The following C1orf232 variants were observed in gnomAD, a reference collection of about 807,000 sequenced individuals.
The protein encoded by C1orf232 is chromosome 1 open reading frame 230, also known as uncharacterized protein C1orf232.
In C1orf232, 10 loss-of-function variants were observed where a neutral mutation model predicts 12.1. The ratio of observed to expected loss-of-function variants is 0.82; its 90% confidence interval spans 0.51 to 1.40. C1orf232 has a LOEUF of 1.40. Among genes scored for constraint, C1orf232 ranks in the 40% most tolerant of loss-of-function variants. C1orf232 has a pLI of 0.00. For synonymous variants in C1orf232, 36 were observed against 39.8 expected, an observed-to-expected ratio of 0.90 and a Z score of 0.36; for missense variants, 88 against 98.4, an observed-to-expected ratio of 0.89 and a Z score of 0.45.
intron 3 of C1orf232, chr1:26,165,589 C>G: frequency 1.6e-6 from 1 of 618,130 alleles, no homozygotes; most frequent in Non-Finnish European, 2.3e-6. Context: ...CGTGAGAGCC[C>G]ATAAATACCT....
chr1:26,167,702 A>G (rs1267897253), intron 1 of C1orf232, among the ~76,000 whole-genome samples: 1 of 151,426 alleles, frequency 6.6e-6, no homozygotes, highest in Non-Finnish European at 1.5e-5. Context: ...GCTCATTGCA[A>G]CCTCTGCCTC....
At chr1:26,165,353 TG>T (rs1401350181) in intron 3 of C1orf232, among the ~76,000 whole-genome samples, 1 of 152,122 alleles carries the variant, frequency 6.6e-6, no homozygotes, top group African/African-American at 2.4e-5. Context: ...TGCAGGGCCC[TG>T]GGGGAGCTTG....
At chr1:26,167,884 A>T (rs2088442494) in intron 1 of C1orf232, among the ~76,000 whole-genome samples, 1 of 152,136 alleles carries the variant, frequency 6.6e-6, no homozygotes. Flanking sequence ...TCGGCCTCCC[A>T]AAGTGCTAGG....
intron 1 of C1orf232, among the ~76,000 whole-genome samples, chr1:26,167,773 C>T (rs779350290): frequency 3.9e-5 from 6 of 152,028 alleles, no homozygotes; most frequent in Admixed American, 1.3e-4. Context: ...AGGTGCACGC[C>T]GCCATGCCTG....
chr1:26,167,265 C>T (rs1468092238), intron 1 of C1orf232, among the ~76,000 whole-genome samples: 1 of 152,236 alleles, frequency 6.6e-6, no homozygotes, highest in Non-Finnish European at 1.5e-5. Flanking sequence ...GGCTGTAGTG[C>T]AGTGGAGCCT....
At position 26,165,627 on chromosome 1, in the gene C1orf232, C is replaced by A. The variant is rs565730866; in HGVS notation, c.266+199G>T. 12 of 977,284 alleles carry A rather than the reference C, an allele frequency of 1.2e-5. No homozygotes were observed. The African/African-American group carries it at 1.9e-4, about 15-fold the overall frequency. 60.5% of individuals were successfully genotyped at this position (977,284 alleles called of 1,614,324 possible). On this transcript the variant is annotated intron_variant, in intron 3 of 3. Transcript: ENST00000634842. ...TAGCACCTCAATCCCAACAGCTGGTCGATTCCTCCTGAGATTTACCCTAAT... is the reference window on the plus strand; with the variant it reads ...TAGCACCTCAATCCCAACAGCTGGTAGATTCCTCCTGAGATTTACCCTAAT...
rs560950013 is a variant in C1orf232, at chr1:26,167,532, C to T, written c.84+884G>A. Among the ~76,000 whole-genome samples, 4 of 152,298 alleles carry T rather than the reference C, an allele frequency of 2.6e-5. No individual in the cohort carries two copies. The South Asian group carries it at 8.3e-4, about 32-fold the overall frequency. ...TAGAGGCAGGGTTTCGCCATGTTAG[C>T]CAGGCTGGTCTCGAACTCCTAACCT... is the stretch of plus-strand genomic sequence containing the variant. On this transcript the variant is annotated intron_variant, in intron 1 of 3. Transcript: ENST00000634842.
chr1:26,164,497 C>A lies in C1orf232; in HGVS notation c.267-42G>T. 1 of 374,404 alleles carries A rather than the reference C, an allele frequency of 2.7e-6. No individual in the cohort carries two copies. Among genetic ancestry groups the A allele is most frequent in the South Asian group, 1.3e-4 (1 of 7,658 alleles). The allele number at this position is 374,404 out of a possible 1,614,324, so 23.2% of individuals were successfully genotyped here. A position where few individuals can be genotyped will look rare whatever the true frequency, so the allele number is the denominator to read the frequency against. On this transcript the variant is annotated intron_variant, in intron 3 of 3. Transcript: ENST00000634842. The surrounding 1 kb of genome is among the most constrained non-coding windows in gnomAD (Gnocchi z 4.2). ...CGGTCAGGGAAGCGGCCGGGCGGTC[C>A]CGCGGAGGAACATCGGCTGGGCTGA...
In C1orf232 at chr1:26,164,581, C is replaced by G. The variant is rs578070981; in HGVS notation, c.267-126G>C. The G allele has an allele frequency of 3.1e-6, 1 of 323,732 alleles. No individual in the cohort carries two copies. The highest frequency in any genetic ancestry group is 2.2e-5 in the African/African-American group (1 of 45,556). The allele number at this position is 323,732 out of a possible 1,614,324, so 20.1% of individuals were successfully genotyped here. A position where few individuals can be genotyped will look rare whatever the true frequency, so the allele number is the denominator to read the frequency against. ...CGGAGTCAGGGGCAGTGGTGAGGAG[C>G]GGGGTCAGGTGACCAGTGGGGGACC... is the stretch of plus-strand genomic sequence containing the variant. On this transcript the variant is annotated intron_variant, in intron 3 of 3. Transcript: ENST00000634842. This position sits in a 1 kb window ranked among gnomAD's most constrained non-coding sequence, Gnocchi z 4.2.
rs1313217876 is a variant in C1orf232, at chr1:26,166,079, G to A, written c.124C>T (p.Pro42Ser). ...PALVGSETAEPTEETFNPMSQ... is the reference protein window; with the variant it reads ...PALVGSETAESTEETFNPMSQ... ...ATGGGATTGAAGGTCTCCTCGGTCG[G>A]TTCTGCTGTCTCAGACCCCACTAAT... The change falls in exon 2 of 4, where the codon CCG becomes TCG. Residue 42 changes from proline to serine, a missense_variant. Transcript: ENST00000634842. 7 of 1,231,556 alleles carry A rather than the reference G, an allele frequency of 5.7e-6. No homozygotes were observed. Among genetic ancestry groups the A allele is most frequent in the Non-Finnish European group, 2.0e-6 (2 of 987,994 alleles). 76.3% of individuals were successfully genotyped at this position (1,231,556 alleles called of 1,614,324 possible).
rs952834889 is a variant in C1orf232, at chr1:26,164,831, A to C, written c.267-376T>G. Among the ~76,000 whole-genome samples, 3 of 152,118 alleles carry C rather than the reference A, an allele frequency of 2.0e-5. No homozygotes were observed. Among genetic ancestry groups the C allele is most frequent in the Admixed American group, 1.3e-4 (2 of 15,280 alleles). ...GGGAAGCTGGAAGGATCCCTGGGAA[A>C]GCAGGTGGGAGCGGGAGGGCTGTTC... On this transcript the variant is annotated intron_variant, in intron 3 of 3. Coordinates refer to ENST00000634842, the MANE Select transcript of C1orf232 (RefSeq NM_001364669.2). The surrounding 1 kb of genome is among the most constrained non-coding windows in gnomAD (Gnocchi z 4.2).
At position 26,164,612 on chromosome 1, in the gene C1orf232, G is replaced by A. The variant is rs1479921831; in HGVS notation, c.267-157C>T. Among the ~76,000 whole-genome samples, 1 of 152,032 alleles carries A rather than the reference G, an allele frequency of 6.6e-6. No individual in the cohort carries two copies. On this transcript the variant is annotated intron_variant, in intron 3 of 3. Coordinates refer to ENST00000634842, the MANE Select transcript of C1orf232 (RefSeq NM_001364669.2). This position sits in a 1 kb window ranked among gnomAD's most constrained non-coding sequence, Gnocchi z 4.2. ...CAGGTGACCAGTGGGGGACCGGGAC[G>A]AGGAGGAGGGTCAGGGCCTGGAGGC...
In C1orf232 at chr1:26,168,963, T is replaced by A. The variant is rs910857183; in HGVS notation, c.-464A>T. Among the ~76,000 whole-genome samples the A allele has an allele frequency of 6.6e-6, 1 of 152,206 alleles. No individual in the cohort carries two copies. Among genetic ancestry groups the A allele is most frequent in the African/African-American group, 2.4e-5 (1 of 41,452 alleles). ...GTGTCCCTACTTAGCCTCAATGAAC[T>A]GGAGCAGGAAGGTCCGCAGGCCCCC... On this transcript the variant is annotated 5_prime_UTR_variant, in exon 1 of 4. Transcript: ENST00000634842.
Position 26,166,056 on chromosome 1 carries a change from G to A in C1orf232, c.147C>T (p.Pro49=), listed in dbSNP as rs1273190787. The change falls in exon 2 of 4, where the codon CCC becomes CCT. Residue 49 remains proline, a synonymous_variant. Coordinates refer to ENST00000634842, the MANE Select transcript of C1orf232 (RefSeq NM_001364669.2). The part of the protein sequence containing the change: ...TAEPTEETFN[P]MSQLARRVQG... ...TCACCCGGCGGGCCAGCTGTGACAT[G>A]GGATTGAAGGTCTCCTCGGTCGGTT... The A allele has an allele frequency of 1.6e-6, 2 of 1,231,586 alleles. No homozygotes were observed. The highest frequency in any genetic ancestry group is 1.6e-5 in the African/African-American group (1 of 64,372). The allele number at this position is 1,231,586 out of a possible 1,614,324, so 76.3% of individuals were successfully genotyped here. A position where few individuals can be genotyped will look rare whatever the true frequency, so the allele number is the denominator to read the frequency against.
chr1:26,168,453 G>A lies in C1orf232; in HGVS notation c.47C>T (p.Thr16Ile), dbSNP rs1277858687. 2 of 1,231,788 alleles carry A rather than the reference G, an allele frequency of 1.6e-6. No individual in the cohort carries two copies. The highest frequency in any genetic ancestry group is 1.6e-5 in the African/African-American group (1 of 64,412). The allele number at this position is 1,231,788 out of a possible 1,614,324, so 76.3% of individuals were successfully genotyped here. The change falls in exon 1 of 4, where the codon ACC (threonine) becomes ATC (isoleucine). Residue 16 changes from threonine to isoleucine, a missense_variant. By Grantham distance (89) the Thr-to-Ile change is moderately conservative. Transcript: ENST00000634842. ...GTCTTCTTCAGATTCCCCACTCAGG[G>A]TCTGTAGCACTTTGGACTTGTAGGT... ...WKTYKSKVLQ[T>I]LSGESEEDLA...
chr1:26,167,588 G>T (rs1450857023), intron 1 of C1orf232, among the ~76,000 whole-genome samples: 1 of 152,162 alleles, frequency 6.6e-6, no homozygotes, highest in Non-Finnish European at 1.5e-5. Context: ...GCCTTCCAAA[G>T]TGCTAGTATT....
intron 1 of C1orf232, 51 bp from the exon 2 acceptor site, chr1:26,166,169 A>C: frequency 8.3e-7 from 1 of 1,202,852 alleles, no homozygotes; most frequent in South Asian, 4.3e-5. Flanking sequence ...GAGGAGTGAG[A>C]TCTCCCTCCT....
Position 26,164,259 on chromosome 1 carries a change from CG to C in C1orf232, c.462del (p.Glu155SerfsTer23), listed in dbSNP as rs1210171479. On this transcript the variant is annotated frameshift_variant, in exon 4 of 4. Coordinates refer to ENST00000634842, the MANE Select transcript of C1orf232 (RefSeq NM_001364669.2). LOFTEE classifies it high-confidence loss of function. This position sits in a 1 kb window ranked among gnomAD's most constrained non-coding sequence, Gnocchi z 4.2. ...DEAAEEAAER[P>X]ESQEAEPVAG... ...GCCACCGGCTCGGCCTCCTGCGACTCGGGGCGCTCTGCGGCCTCCTCCGCGG... is the reference window on the plus strand; with the variant it reads ...GCCACCGGCTCGGCCTCCTGCGACTCGGGCGCTCTGCGGCCTCCTCCGCGG... 6 of 398,350 alleles carry C rather than the reference CG, an allele frequency of 1.5e-5. No homozygotes were observed. Among genetic ancestry groups the C allele is most frequent in the Non-Finnish European group, 2.7e-5 (6 of 225,964 alleles). 24.7% of individuals were successfully genotyped at this position (398,350 alleles called of 1,614,324 possible). A position where few individuals can be genotyped will look rare whatever the true frequency, so the allele number is the denominator to read the frequency against.
intron 1 of C1orf232, among the ~76,000 whole-genome samples, chr1:26,167,943 GTTGT>G (rs1056124167): frequency 6.6e-5 from 10 of 152,138 alleles, no homozygotes; most frequent in African/African-American, 2.4e-4. Flanking sequence ...TTTTGTTGTT[GTTGT>G]TTGTTTGCTT....
Sources: gnomAD v4.1 joint callset for allele counts (sites outside exome capture counted in the v4.1 genomes callset) on GRCh38, gnomAD v4.1.1 for gene constraint, Gnocchi (gnomAD v3.1) non-coding constraint, MANE v1.5 for transcripts, NCBI Gene and HGNC (gene_info 2026-07-23, HGNC 2026-07-21) for gene names.